The following BDP1 variants were observed in gnomAD, a reference collection of about 807,000 sequenced individuals.
BDP1 encodes the protein transcription factor TFIIIB component B'' homolog.
A neutral mutation model predicts 266.6 loss-of-function variants in BDP1; 169 were observed. The ratio of observed to expected loss-of-function variants is 0.63; its 90% confidence interval spans 0.56 to 0.72. The LOEUF is 0.72. Among genes scored for constraint, BDP1 ranks in the 30% least tolerant of loss-of-function variants. The pLI is 0.00. For missense variants in BDP1, 3,015 were observed against 3,053.8 expected (o/e 0.99, Z 0.30); for synonymous variants, 1,090 against 1,022.4 (o/e 1.07, Z -1.26).
In BDP1 at chr5:71,461,958, CTT is replaced by C. The variant is rs370261571; in HGVS notation, c.599+52_599+53del. ...AAAATTTATTTCTGCTTTACTATCT[CTT>C]TTTTTTTTTTTTTTTTTTTGGAGGT... On this transcript the variant is annotated intron_variant, in intron 3 of 38. Transcript: ENST00000358731. The C allele has an allele frequency of 0.032, 13,937 of 434,326 alleles. No individual in the cohort carries two copies. The highest frequency in any genetic ancestry group is 0.037 in the South Asian group (1,610 of 43,306). 26.9% of individuals were successfully genotyped at this position (434,326 alleles called of 1,614,324 possible). A position where few individuals can be genotyped will look rare whatever the true frequency, so the allele number is the denominator to read the frequency against.
At chr5:71,486,160 C>A (rs931675952) in intron 8 of BDP1, among the ~76,000 whole-genome samples, 6 of 152,222 alleles carry the variant, frequency 3.9e-5, no homozygotes, top group African/African-American at 1.4e-4. Flanking sequence ...CATATTATTG[C>A]ATGTATCAGT....
chr5:71,558,903 C>T (rs928365209), intron 36 of BDP1, among the ~76,000 whole-genome samples: 28 of 151,758 alleles, frequency 1.8e-4, no homozygotes, highest in African/African-American at 5.1e-4. Flanking sequence ...CCTATAATCC[C>T]AGCACTTTGG....
rs111960395 is a variant in BDP1 at position 71,545,373 on chromosome 5, C to T, written c.6744+154C>T. On this transcript the variant is annotated intron_variant, in intron 32 of 38. Coordinates refer to ENST00000358731, the MANE Select transcript of BDP1 (RefSeq NM_018429.3). ...TTTGGAGACAGTCTTGTTCTGTTGC[C>T]CAGGCAAGAGTGCAGTGGTATGATC... The T allele has an allele frequency of 2.4e-3, 1,825 of 769,218 alleles. 29 individuals are homozygous for T. In the African/African-American group the frequency reaches 0.028, roughly 12 times the overall value. 47.6% of individuals were successfully genotyped at this position (769,218 alleles called of 1,614,324 possible). A position where few individuals can be genotyped will look rare whatever the true frequency, so the allele number is the denominator to read the frequency against.
Position 71,501,572 on chromosome 5 carries a change from A to G in BDP1, c.1967A>G (p.Glu656Gly). 7.5e-6 allele frequency: 12 copies of G among 1,590,496 alleles called. No individual in the cohort carries two copies. The highest frequency in any genetic ancestry group is 3.3e-5 in the South Asian group (3 of 89,618). The change falls in exon 14 of 39, where the codon GAA (glutamate) becomes GGA (glycine). Residue 656 changes from glutamate (E) to glycine (G), a missense_variant. Glu to Gly is a moderately conservative substitution (Grantham distance 98). Transcript: ENST00000358731. ...SKTSVEKNHV[E>G]KDKMNTLDIL... ...AAATTAAATTCACAGAACCACGTGG[A>G]AAAAGATAAAATGAATACATTGGAC...
At chr5:71,555,939 A>T (rs557744161) in intron 35 of BDP1, among the ~76,000 whole-genome samples, 2 of 152,286 alleles carry the variant, frequency 1.3e-5, no homozygotes, top group South Asian at 4.1e-4. Context: ...ATTAACTTAG[A>T]TTAACTTAGG....
At chr5:71,484,533 C>G (rs1190772700) in intron 8 of BDP1, among the ~76,000 whole-genome samples, 1 of 152,024 alleles carries the variant, frequency 6.6e-6, no homozygotes, top group Non-Finnish European at 1.5e-5. Flanking sequence ...AAGAGATACA[C>G]TAGCATTTGA....
In BDP1 at chr5:71,455,825, C is replaced by G. The variant is rs548470637; in HGVS notation, c.-53C>G. 3 of 1,488,874 alleles carry G rather than the reference C, an allele frequency of 2.0e-6. No individual in the cohort carries two copies. Among genetic ancestry groups the G allele is most frequent in the East Asian group, 2.5e-5 (1 of 40,492 alleles). The allele number at this position is 1,488,874 out of a possible 1,614,324, so 92.2% of individuals were successfully genotyped here. ...TCCCCTTTCCGGGCAGCCGCCGGGGCTCGGGGCTGTGAGCGGCCGTGAGGC... is the reference window on the plus strand; with the variant it reads ...TCCCCTTTCCGGGCAGCCGCCGGGGGTCGGGGCTGTGAGCGGCCGTGAGGC... On this transcript the variant is annotated 5_prime_UTR_variant, in exon 1 of 39. Transcript: ENST00000358731.
Position 71,556,929 on chromosome 5 carries a change from A to G in BDP1, c.7240+4A>G. The G allele has an allele frequency of 7.0e-7, 1 of 1,438,012 alleles. No individual in the cohort carries two copies. Among genetic ancestry groups the G allele is most frequent in the South Asian group, 1.5e-5 (1 of 66,730 alleles). 89.1% of individuals were successfully genotyped at this position (1,438,012 alleles called of 1,614,324 possible). A position where few individuals can be genotyped will look rare whatever the true frequency, so the allele number is the denominator to read the frequency against. On this transcript the variant is annotated splice_donor_region_variant and intron_variant, in intron 36 of 38. Transcript: ENST00000358731. ...ACAAATGTTTTTGAGGAAACAGGTAAGTGAAATACATTTTAACATGATTGC... is the reference window on the plus strand; with the variant it reads ...ACAAATGTTTTTGAGGAAACAGGTAGGTGAAATACATTTTAACATGATTGC...
chr5:71,533,352 A>G (rs943362849), intron 26 of BDP1, among the ~76,000 whole-genome samples: 3 of 152,146 alleles, frequency 2.0e-5, no homozygotes, highest in African/African-American at 7.2e-5. Context: ...GGAACTGCCA[A>G]ACTGTTTTCC....
chr5:71,526,363 T>C (rs1218323460), intron 25 of BDP1, among the ~76,000 whole-genome samples: 4 of 151,540 alleles, frequency 2.6e-5, no homozygotes, highest in African/African-American at 9.7e-5. Flanking sequence ...ACGCCTATAA[T>C]CCCAGCACTT....
At chr5:71,533,341 A>G (rs1010892118) in intron 26 of BDP1, among the ~76,000 whole-genome samples, 1 of 152,222 alleles carries the variant, frequency 6.6e-6, no homozygotes, top group Middle Eastern at 3.4e-3. Flanking sequence ...TCATCAGTTG[A>G]GGAACTGCCA....
downstream of BDP1, among the ~76,000 whole-genome samples, chr5:71,569,921 G>C (rs1744211677): frequency 6.6e-6 from 1 of 152,170 alleles, no homozygotes; most frequent in South Asian, 2.1e-4. Flanking sequence ...TGGCCAAGCT[G>C]GTGAATCAAA....
At chr5:71,549,695 A>T in intron 34 of BDP1, 89 bp downstream of exon 34, 1 of 1,076,872 alleles carries the variant, frequency 9.3e-7, no homozygotes, top group Non-Finnish European at 1.3e-6. Context: ...CACCAATGTT[A>T]GTTGTTATTG....
At chr5:71,497,082 A>C (rs937349266) in intron 12 of BDP1, among the ~76,000 whole-genome samples, 188 bp from the exon 13 acceptor site, 3 of 152,194 alleles carry the variant, frequency 2.0e-5, no homozygotes, top group Non-Finnish European at 4.4e-5. Context: ...CACTGTTTTA[A>C]TTACTGATGA....
rs1761214034 is a variant in BDP1 at position 71,456,729 on chromosome 5, G to C, written c.212+640G>C. 3.9e-5 allele frequency among the ~76,000 whole-genome samples: 6 copies of C among 152,300 alleles called. No homozygotes were observed. In the South Asian group the frequency reaches 1.2e-3, roughly 32 times the overall value. The stretch of plus-strand genomic sequence containing the variant: ...ACTTGGAGCGTTTTGGTGCAGATTG[G>C]AGATAATTCATATTAACTACCTTGC... On this transcript the variant is annotated intron_variant, in intron 1 of 38. Transcript: ENST00000358731.
chr5:71,514,714 G>A (rs773097455), intron 19 of BDP1, among the ~76,000 whole-genome samples: 2 of 151,942 alleles, frequency 1.3e-5, no homozygotes, highest in Non-Finnish European at 1.5e-5. Context: ...TGTCTTTTCC[G>A]GTGAGGGAGG....
rs780007446 is a variant in BDP1, at chr5:71,467,518, T to G, written c.919+31T>G. On this transcript the variant is annotated intron_variant, in intron 6 of 38. Coordinates refer to ENST00000358731, the MANE Select transcript of BDP1 (RefSeq NM_018429.3). Reference sequence around the variant, plus strand: ...TAATTTTCATTTAAAAATGTGTAAGTTCTCTATTTGAAATGAATTGACTGT... The same window carrying G: ...TAATTTTCATTTAAAAATGTGTAAGGTCTCTATTTGAAATGAATTGACTGT... 4.6e-6 allele frequency: 7 copies of G among 1,523,546 alleles called. No homozygotes were observed. In the Admixed American group the frequency reaches 5.4e-5, roughly 12 times the overall value. The allele number at this position is 1,523,546 out of a possible 1,614,324, so 94.4% of individuals were successfully genotyped here.
chr5:71,559,646 T>G (rs938249029), intron 36 of BDP1, among the ~76,000 whole-genome samples: 28 of 152,362 alleles, frequency 1.8e-4, no homozygotes, highest in African/African-American at 6.7e-4. Flanking sequence ...ATATTTTGGA[T>G]TGGTTTGGTT....
At position 71,513,754 on chromosome 5, in the gene BDP1, T is replaced by A. The variant is rs139969600; in HGVS notation, c.4470+347T>A. Among the ~76,000 whole-genome samples, 28 of 152,222 alleles carry A rather than the reference T, an allele frequency of 1.8e-4. No homozygotes were observed. In the East Asian group the frequency reaches 5.0e-3, roughly 27 times the overall value. On this transcript the variant is annotated intron_variant, in intron 19 of 38. Transcript: ENST00000358731. ...TTATTTTTTTGAGATGAAGTCTCACTCTGTTCCCAGGCTGGAGTGCAGTGG... is the reference window on the plus strand; with the variant it reads ...TTATTTTTTTGAGATGAAGTCTCACACTGTTCCCAGGCTGGAGTGCAGTGG...
Sources: gnomAD v4.1 joint callset for allele counts (sites outside exome capture counted in the v4.1 genomes callset) on GRCh38, gnomAD v4.1.1 for gene constraint, MANE v1.5 for transcripts, NCBI Gene and HGNC (gene_info 2026-07-23, HGNC 2026-07-21) for gene names.